Variants in TECPR2 observed in about 807,000 individuals in gnomAD.
TECPR2 encodes tectonin beta-propeller repeat containing 2, also known as tectonin beta-propeller repeat-containing protein 2.
In TECPR2, 65 loss-of-function variants were observed where a neutral mutation model predicts 138.1. The observed-to-expected ratio is 0.47, with a 90% CI of 0.39 to 0.58. The LOEUF is 0.58. TECPR2 is among the 20% of genes least tolerant of loss of function. The pLI is 0.00. For synonymous variants in TECPR2, 746 were observed against 749.8 expected (o/e 0.99, Z 0.08); for missense variants, 1,553 against 1,824.5 (o/e 0.85, Z 2.71).
intron 2 of TECPR2, among the ~76,000 whole-genome samples, chr14:102,388,519 C>A (rs942552709): frequency 6.6e-6 from 1 of 151,334 alleles, no homozygotes; most frequent in East Asian, 1.9e-4. Context: ...TATGGTGAAA[C>A]CCCATCTCTA....
Position 102,408,183 on chromosome 14 carries a change from A to G in TECPR2, c.349-305A>G, listed in dbSNP as rs183629398. On this transcript the variant is annotated intron_variant, in intron 3 of 19. Coordinates refer to ENST00000359520, the MANE Select transcript of TECPR2 (RefSeq NM_014844.5). ...AGACTCTGTCTCAAAAAAAAAAAAA[A>G]TGCTCAGAGAAGCTTAACACTGTGC... 6.0e-3 allele frequency among the ~76,000 whole-genome samples: 911 copies of G among 152,122 alleles called. 13 individuals are homozygous for G. The highest frequency in any genetic ancestry group is 0.021 in the African/African-American group (876 of 41,504).
chr14:102,455,855 C>T (rs1477176635), intron 16 of TECPR2, among the ~76,000 whole-genome samples: 2 of 152,206 alleles, frequency 1.3e-5, no homozygotes, highest in Non-Finnish European at 2.9e-5. Context: ...TCAGGTGGTC[C>T]GCCTGCCTCC....
Position 102,434,287 on chromosome 14 carries a change from C to G in TECPR2, c.1470C>G (p.Ser490=). The change falls in exon 9 of 20, where the codon TCC becomes TCG. Residue 490 remains serine, a synonymous_variant. Coordinates refer to ENST00000359520, the MANE Select transcript of TECPR2 (RefSeq NM_014844.5). The stretch of plus-strand genomic sequence containing the variant: ...GCTCCCTGGAATCGACACCCTGCTC[C>G]GAATTTCCTGGGGACAGTCCCCAGT... The part of the protein sequence containing the change: ...CHSSLESTPC[S]EFPGDSPQSL... 1.4e-6 allele frequency: 2 copies of G among 1,391,190 alleles called. No homozygotes were observed. The highest frequency in any genetic ancestry group is 1.9e-6 in the Non-Finnish European group (2 of 1,066,398). 86.2% of individuals were successfully genotyped at this position (1,391,190 alleles called of 1,614,324 possible). A position where few individuals can be genotyped will look rare whatever the true frequency, so the allele number is the denominator to read the frequency against.
rs58616138 is a variant in TECPR2 at position 102,384,846 on chromosome 14, C to CTT, written c.219+7932_219+7933dup. On this transcript the variant is annotated intron_variant, in intron 2 of 19. Transcript: ENST00000359520. ...GCCAGACTCATTTTCTTTTCCTTTC[C>CTT]TTTTTTTTTTTTTTTTTTTTTTTTT... Among the ~76,000 whole-genome samples the CTT allele has an allele frequency of 2.8e-3, 274 of 99,400 alleles. 10 individuals carry two copies. The highest frequency in any genetic ancestry group is 4.0e-3 in the African/African-American group (94 of 23,348). 65.2% of individuals were successfully genotyped at this position (99,400 alleles called of 152,430 possible).
At chr14:102,394,158 C>T (rs1253634879) in intron 2 of TECPR2, among the ~76,000 whole-genome samples, 1 of 152,154 alleles carries the variant, frequency 6.6e-6, no homozygotes, top group African/African-American at 2.4e-5. Context: ...CCTCATTCTC[C>T]TTCCTTTCCA....
chr14:102,380,659 A>G (rs1887779914), intron 2 of TECPR2, among the ~76,000 whole-genome samples: 1 of 152,212 alleles, frequency 6.6e-6, no homozygotes, highest in African/African-American at 2.4e-5. Context: ...GCTGGAAGAC[A>G]GTAGCATTTT....
intron 6 of TECPR2, among the ~76,000 whole-genome samples, 184 bp from the exon 7 acceptor site, chr14:102,428,066 G>A (rs1039647590): frequency 2.0e-5 from 3 of 152,168 alleles, no homozygotes; most frequent in Non-Finnish European, 4.4e-5. Context: ...CTCAGATCCT[G>A]CTTACCAATC....
At chr14:102,498,020 T>TGC (rs1433822024) in intron 19 of TECPR2, 83 bp from the exon 20 acceptor site, 3 of 1,550,314 alleles carry the variant, frequency 1.9e-6, no homozygotes, top group Non-Finnish European at 1.7e-6. Flanking sequence ...AGCCCAGACC[T>TGC]GCGCCCAAGC....
In TECPR2 at chr14:102,370,092, A is replaced by T. The variant is rs146130871; in HGVS notation, c.-72-6558A>T. Among the ~76,000 whole-genome samples the T allele has an allele frequency of 6.1e-3, 928 of 151,338 alleles. 13 individuals are homozygous for T. The highest frequency in any genetic ancestry group is 0.022 in the African/African-American group (894 of 41,254). The stretch of plus-strand genomic sequence containing the variant: ...GAGGAATAACTTTTTTTTTTTTGAG[A>T]CAGAGTTTCGCTCTTGTTGCCCAGG... On this transcript the variant is annotated intron_variant, in intron 1 of 19. Transcript: ENST00000359520.
At chr14:102,476,910 C>T (rs1268541934) in intron 17 of TECPR2, among the ~76,000 whole-genome samples, 1 of 151,984 alleles carries the variant, frequency 6.6e-6, no homozygotes, top group African/African-American at 2.4e-5. Flanking sequence ...CAAAAATTAG[C>T]TGGGTGCCTG....
At chr14:102,370,738 G>A (rs902256166) in intron 1 of TECPR2, among the ~76,000 whole-genome samples, 2 of 152,214 alleles carry the variant, frequency 1.3e-5, no homozygotes, top group African/African-American at 4.8e-5. Context: ...TGTTTGCCAC[G>A]TGGATGACGG....
intron 1 of TECPR2, among the ~76,000 whole-genome samples, chr14:102,375,985 G>A (rs1887630688): frequency 6.6e-6 from 1 of 152,178 alleles, no homozygotes; most frequent in Non-Finnish European, 1.5e-5. Flanking sequence ...TTTAGTAAGG[G>A]AAGCTTTGAA....
At chr14:102,364,781 C>T (rs1225137873) in intron 1 of TECPR2, among the ~76,000 whole-genome samples, 1 of 151,700 alleles carries the variant, frequency 6.6e-6, no homozygotes, top group Non-Finnish European at 1.5e-5. Flanking sequence ...AAAATGGCTA[C>T]TGGAACTTAG....
chr14:102,394,617 A>G (rs1888266879), intron 2 of TECPR2, among the ~76,000 whole-genome samples: 1 of 152,166 alleles, frequency 6.6e-6, no homozygotes, highest in Non-Finnish European at 1.5e-5. Flanking sequence ...AAACCAAAAA[A>G]CAAATTAGTT....
chr14:102,498,503 G>C lies in TECPR2; in HGVS notation c.*246G>C. 1.7e-6 allele frequency: 1 copy of C among 571,934 alleles called. No individual in the cohort carries two copies. The highest frequency in any genetic ancestry group is 3.1e-6 in the Non-Finnish European group (1 of 321,540). The allele number at this position is 571,934 out of a possible 1,614,324, so 35.4% of individuals were successfully genotyped here. ...TAGCTCAGGACAGTGGCGACTGCCCGGCTGCATGCACTCCGATTACCCACG... is the reference window on the plus strand; with the variant it reads ...TAGCTCAGGACAGTGGCGACTGCCCCGCTGCATGCACTCCGATTACCCACG... On this transcript the variant is annotated 3_prime_UTR_variant, in exon 20 of 20. Transcript: ENST00000359520.
chr14:102,491,313 T>C (rs1433918787), intron 17 of TECPR2, among the ~76,000 whole-genome samples: 2 of 152,188 alleles, frequency 1.3e-5, no homozygotes. Flanking sequence ...ACTCCTGGGC[T>C]CAAGTTATCC....
chr14:102,427,120 T>G (rs1032314608), intron 6 of TECPR2, among the ~76,000 whole-genome samples: 1 of 152,188 alleles, frequency 6.6e-6, no homozygotes, highest in Non-Finnish European at 1.5e-5. Context: ...AAGCATCGAC[T>G]TAGGGGAATC....
chr14:102,483,464 C>T (rs113281141), intron 17 of TECPR2, among the ~76,000 whole-genome samples: 3 of 151,456 alleles, frequency 2.0e-5, no homozygotes, highest in Non-Finnish European at 4.4e-5. Flanking sequence ...GTTTTTGAGA[C>T]GGTCTCTCAC....
chr14:102,412,733 C>T (rs963466152), intron 4 of TECPR2, among the ~76,000 whole-genome samples: 28 of 152,002 alleles, frequency 1.8e-4, no homozygotes, highest in Admixed American at 1.6e-3. Context: ...GCAACAGTTG[C>T]ACAAGTGGTT....
Sources: allele counts gnomAD v4.1 joint callset (sites outside exome capture counted in the v4.1 genomes callset), GRCh38; gene constraint gnomAD v4.1.1; transcripts MANE v1.5; gene names NCBI Gene and HGNC (gene_info 2026-07-23, HGNC 2026-07-21).